The following SYT16 variants were observed in gnomAD, a reference collection of about 807,000 sequenced individuals.
SYT16 encodes synaptotagmin-16.
A neutral mutation model predicts 61.4 loss-of-function variants in SYT16; 42 were observed. The observed-to-expected ratio is 0.68, with a 90% CI of 0.53 to 0.89. The LOEUF is 0.89. SYT16 is among the 40% of genes least tolerant of loss of function. The pLI, the probability that SYT16 is intolerant of heterozygous loss-of-function variation, is 0.00. For synonymous variants in SYT16, 314 were observed against 302.3 expected (o/e 1.04, Z -0.40); for missense variants, 804 against 807.3 (o/e 1.00, Z 0.05).
intron 1 of SYT16, among the ~76,000 whole-genome samples, chr14:61,914,823 T>C (rs1025043736): frequency 5.9e-5 from 9 of 152,226 alleles, no homozygotes; most frequent in African/African-American, 2.2e-4. Flanking sequence ...CCTTTTAGCC[T>C]GTTCTCCAGA....
chr14:61,851,909 A>G (rs897664160), intron 1 of SYT16, among the ~76,000 whole-genome samples: 15 of 152,196 alleles, frequency 9.9e-5, no homozygotes, highest in African/African-American at 3.6e-4. Flanking sequence ...CTCTTTAATT[A>G]GATCCCATTT....
At chr14:61,827,107 G>T (rs72716749) in intron 1 of SYT16, among the ~76,000 whole-genome samples, 20,568 of 150,934 alleles carry the variant, frequency 0.14, 1,526 homozygotes, top group African/African-American at 0.19. Context: ...TATGAATTTT[G>T]GGGAACATAA....
rs934486966 is a variant in SYT16, at chr14:61,846,355, T to G, written c.-325+33545T>G. On this transcript the variant is annotated intron_variant, in intron 1 of 7. Transcript: ENST00000683842. Reference sequence around the variant, plus strand: ...TGGGTTCTCTAGTGTTGGGTGCATATGTATTTAAAGTTGTTATATCCTCCT... The same window carrying G: ...TGGGTTCTCTAGTGTTGGGTGCATAGGTATTTAAAGTTGTTATATCCTCCT... Among the ~76,000 whole-genome samples, 98 of 152,180 alleles carry G rather than the reference T, an allele frequency of 6.4e-4. 7 individuals are homozygous for G. The highest frequency in any genetic ancestry group is 1.2e-4 in the African/African-American group (5 of 41,444).
chr14:61,946,942 A>T (rs1193440473), intron 1 of SYT16, among the ~76,000 whole-genome samples: 5 of 152,124 alleles, frequency 3.3e-5, no homozygotes. Context: ...TGGACAAAGA[A>T]CGGTTGGACT....
intron 3 of SYT16, among the ~76,000 whole-genome samples, chr14:62,032,604 G>A (rs138513295): frequency 0.019 from 2,886 of 151,894 alleles, 28 homozygotes; most frequent in Middle Eastern, 0.051. Context: ...TAATGACAAT[G>A]ATATTTTAGC....
chr14:61,834,506 C>T lies in SYT16; in HGVS notation c.-325+21696C>T, dbSNP rs187458559. Among the ~76,000 whole-genome samples the T allele has an allele frequency of 2.1e-4, 28 of 131,112 alleles. No homozygotes were observed. In the East Asian group the frequency reaches 3.4e-3, roughly 16 times the overall value. The allele number at this position is 131,112 out of a possible 152,430, so 86.0% of individuals were successfully genotyped here. ...GCTGGAGTGCAATGTGGTGTGATCT[C>T]GGCTCACTGCAACCTCTGCCTCCCG... On this transcript the variant is annotated intron_variant, in intron 1 of 7. Transcript: ENST00000683842.
At chr14:61,989,946 G>A (rs967868622) in intron 2 of SYT16, among the ~76,000 whole-genome samples, 8 of 152,290 alleles carry the variant, frequency 5.3e-5, no homozygotes, top group Admixed American at 4.6e-4. Context: ...TGGCTGTACT[G>A]TATCCGTATT....
At chr14:61,834,484 G>A (rs1451965906) in intron 1 of SYT16, among the ~76,000 whole-genome samples, 1 of 133,424 alleles carries the variant, frequency 7.5e-6, no homozygotes. Context: ...TGCCCAGGCT[G>A]GAGTGCAATG....
intron 1 of SYT16, among the ~76,000 whole-genome samples, chr14:61,816,805 A>G (rs1430459977): frequency 6.6e-6 from 1 of 151,524 alleles, no homozygotes; most frequent in African/African-American, 2.4e-5. Flanking sequence ...AGGTCAGGAG[A>G]TGAAGACCAT....
chr14:61,901,118 C>A (rs1465726211), intron 1 of SYT16, among the ~76,000 whole-genome samples: 1 of 152,238 alleles, frequency 6.6e-6, no homozygotes, highest in African/African-American at 2.4e-5. Context: ...CAGTGTCTAA[C>A]TAATCTAGCC....
intron 1 of SYT16, among the ~76,000 whole-genome samples, chr14:61,877,752 CA>C (rs2047549875): frequency 6.6e-6 from 1 of 152,200 alleles, no homozygotes; most frequent in East Asian, 1.9e-4. Context: ...ATTCCTGCAA[CA>C]GTGGGTTCCT....
chr14:62,029,679 C>G (rs928219754), intron 3 of SYT16, among the ~76,000 whole-genome samples: 2 of 151,908 alleles, frequency 1.3e-5, no homozygotes, highest in Admixed American at 6.6e-5. Flanking sequence ...AGGTGGTTTG[C>G]TTGAAGTAGA....
At chr14:61,820,983 A>G (rs958640144) in intron 1 of SYT16, among the ~76,000 whole-genome samples, 5 of 152,044 alleles carry the variant, frequency 3.3e-5, no homozygotes, top group Non-Finnish European at 7.4e-5. Flanking sequence ...GCCCATGTTG[A>G]CATTCCCTGT....
chr14:61,949,084 A>C (rs558499073), intron 1 of SYT16, among the ~76,000 whole-genome samples: 31 of 152,298 alleles, frequency 2.0e-4, no homozygotes, highest in Non-Finnish European at 4.1e-4. Flanking sequence ...TCACCAAGCA[A>C]CCTTTTGATC....
intron 1 of SYT16, among the ~76,000 whole-genome samples, chr14:61,948,638 T>C (rs2050544881): frequency 6.6e-6 from 1 of 152,162 alleles, no homozygotes; most frequent in South Asian, 2.1e-4. Flanking sequence ...GGTAGAGATA[T>C]ACGTGCCAGA....
At chr14:62,042,084 T>G (rs556543645) in intron 3 of SYT16, among the ~76,000 whole-genome samples, 3 of 152,240 alleles carry the variant, frequency 2.0e-5, no homozygotes, top group African/African-American at 7.2e-5. Flanking sequence ...TTATTCTCTG[T>G]GTAATTTCTA....
Position 62,075,389 on chromosome 14 carries a change from G to C in SYT16, c.991G>C (p.Glu331Gln). Residue 331 changes from glutamate to glutamine, a missense_variant and splice_region_variant, in exon 5 of 8, where the codon GAG (glutamate) becomes CAG (glutamine). Coordinates refer to ENST00000683842, the MANE Select transcript of SYT16 (RefSeq NM_001367656.1). ...ATDSSSMWSP[E>Q]EQDRTNLQVP... ...TGACAGCTCCTCCATGTGGAGTCCA[G>C]AGGCAAGTTATTTGTTTTTCATTCT... 4 of 1,599,616 alleles carry C rather than the reference G, an allele frequency of 2.5e-6. No individual in the cohort carries two copies. The highest frequency in any genetic ancestry group is 3.4e-6 in the Non-Finnish European group (4 of 1,168,872).
chr14:62,078,586 A>G (rs2056597693), intron 5 of SYT16, among the ~76,000 whole-genome samples: 1 of 152,242 alleles, frequency 6.6e-6, no homozygotes, highest in Admixed American at 6.5e-5. Context: ...AGTGCGAGAC[A>G]AGGGAAGTAA....
At chr14:62,049,262 G>T (rs1468217277) in intron 3 of SYT16, among the ~76,000 whole-genome samples, 3 of 152,020 alleles carry the variant, frequency 2.0e-5, no homozygotes, top group Non-Finnish European at 4.4e-5. Flanking sequence ...ATCTTTGTTG[G>T]TTTAAAGTCT....
Sources: allele counts gnomAD v4.1 joint callset (sites outside exome capture counted in the v4.1 genomes callset), GRCh38; gene constraint gnomAD v4.1.1; transcripts MANE v1.5; gene names NCBI Gene and HGNC (gene_info 2026-07-23, HGNC 2026-07-21).